GPR83: variants seen among roughly 807,000 people sequenced by gnomAD.
GPR83 encodes G-protein coupled receptor 72.
GPR83 carries 23 observed loss-of-function variants against 28.0 expected under a neutral mutation model. That is an observed-to-expected ratio of 0.82 (90% CI 0.59 to 1.16). The LOEUF is 1.16. GPR83 is among the 50% of genes most tolerant of loss of function. The probability of loss-of-function intolerance (pLI) is 0.00; values close to 1 mark genes in which losing one functional copy is unlikely to be tolerated. For missense variants in GPR83, 610 were observed against 536.6 expected, an observed-to-expected ratio of 1.14 and a Z score of -1.35; for synonymous variants, 234 against 215.4, an observed-to-expected ratio of 1.09 and a Z score of -0.76.
In GPR83 at chr11:94,378,941, A is replaced by G. The variant is rs1454357411; in HGVS notation, c.*1208T>C. The stretch of plus-strand genomic sequence containing the variant: ...GGCCCTTCCCACCACTGTCTACAAT[A>G]GGGGGCAGTTCTGTCTGCGTGGTGA... On this transcript the variant is annotated 3_prime_UTR_variant, in exon 4 of 4. Coordinates refer to ENST00000243673, the MANE Select transcript of GPR83 (RefSeq NM_016540.4). The G allele has an allele frequency of 1.3e-5, 2 of 152,146 alleles. No individual in the cohort carries two copies. The highest frequency in any genetic ancestry group is 2.9e-5 in the Non-Finnish European group (2 of 68,062). 9.4% of individuals were successfully genotyped at this position (152,146 alleles called of 1,614,324 possible).
chr11:94,389,974 G>A (rs1944799517), intron 3 of GPR83, among the ~76,000 whole-genome samples: 1 of 152,162 alleles, frequency 6.6e-6, no homozygotes, highest in South Asian at 2.1e-4. Flanking sequence ...TATACACCAT[G>A]GAATACTATG....
intron 3 of GPR83, among the ~76,000 whole-genome samples, chr11:94,392,295 G>A (rs1474085217): frequency 6.6e-6 from 1 of 151,888 alleles, no homozygotes; most frequent in East Asian, 1.9e-4. Context: ...GACCTAGGGA[G>A]GGAAACATCA....
chr11:94,396,415 G>T lies in GPR83; in HGVS notation c.497C>A (p.Ala166Glu). The T allele has an allele frequency of 6.2e-7, 1 of 1,613,686 alleles. No individual in the cohort carries two copies. The highest frequency in any genetic ancestry group is 8.5e-7 in the Non-Finnish European group (1 of 1,179,714). ...TGCCCTCACCTGGTGGCGATCCACCGCAATGGCTGTCAGTGTCAGTGCTGA... is the reference window on the plus strand; with the variant it reads ...TGCCCTCACCTGGTGGCGATCCACCTCAATGGCTGTCAGTGTCAGTGCTGA... ...HVSALTLTAI[A>E]VDRHQVIMHP... is the part of the protein sequence containing the mutation. Residue 166 changes from alanine to glutamate, a missense_variant, in exon 2 of 4, where the codon GCG becomes GAG. Transcript: ENST00000243673.
At chr11:94,397,891 A>T (rs900614811) in intron 1 of GPR83, among the ~76,000 whole-genome samples, 6 of 152,192 alleles carry the variant, frequency 3.9e-5, no homozygotes, top group African/African-American at 1.2e-4. Flanking sequence ...CCAGATCTTG[A>T]AACTAGGACA....
intron 3 of GPR83, among the ~76,000 whole-genome samples, chr11:94,392,475 T>A (rs941257659): frequency 1.3e-5 from 2 of 151,920 alleles, no homozygotes; most frequent in Non-Finnish European, 2.9e-5. Context: ...ATAAAACAAA[T>A]TTTTTTAAAA....
chr11:94,386,019 C>A (rs1211301875), intron 3 of GPR83, among the ~76,000 whole-genome samples: 3 of 152,152 alleles, frequency 2.0e-5, no homozygotes, highest in Non-Finnish European at 4.4e-5. Flanking sequence ...ACCCTACAAG[C>A]CAGAAGAGAG....
At chr11:94,398,733 T>C (rs1218653922) in intron 1 of GPR83, among the ~76,000 whole-genome samples, 6 of 152,200 alleles carry the variant, frequency 3.9e-5, no homozygotes, top group African/African-American at 1.4e-4. Context: ...AGAAGGATAT[T>C]GTTGCCAATC....
Position 94,400,865 on chromosome 11 carries a change from G to A in GPR83, c.383C>T (p.Thr128Ile), listed in dbSNP as rs1944904345. ...IMITLLNTPF[T>I]LVRFVNSTWI... is the part of the protein sequence containing the mutation. ...GGCAGGCAGCGGGCCCCTTACCAAA[G>A]TGAAGGGGGTGTTGAGCAGCGTGAT... Residue 128 changes from threonine (T) to isoleucine (I), a missense_variant, in exon 1 of 4, where the codon ACT (threonine) becomes ATT (isoleucine). Physicochemically the swap from Thr to Ile is moderately conservative, Grantham distance 89 (BLOSUM62 -1). Transcript: ENST00000243673. 1 of 1,613,650 alleles carries A rather than the reference G, an allele frequency of 6.2e-7. No individual in the cohort carries two copies. Among genetic ancestry groups the A allele is most frequent in the Non-Finnish European group, 8.5e-7 (1 of 1,179,722 alleles).
At chr11:94,384,545 C>A (rs183676265) in intron 3 of GPR83, among the ~76,000 whole-genome samples, 1 of 152,310 alleles carries the variant, frequency 6.6e-6, no homozygotes, top group African/African-American at 2.4e-5. Flanking sequence ...GGCAAGGCAT[C>A]GCCTCACCTG....
At chr11:94,387,187 G>A (rs1944766693) in intron 3 of GPR83, among the ~76,000 whole-genome samples, 1 of 152,172 alleles carries the variant, frequency 6.6e-6, no homozygotes, top group African/African-American at 2.4e-5. Context: ...AGTGTGTAGG[G>A]GGAAATTTAT....
chr11:94,389,505 C>T (rs148619500), intron 3 of GPR83, among the ~76,000 whole-genome samples: 396 of 152,282 alleles, frequency 2.6e-3, no homozygotes, highest in African/African-American at 8.0e-3. Context: ...AACAAGTGGG[C>T]GAAGGATATG....
intron 2 of GPR83, among the ~76,000 whole-genome samples, 178 bp downstream of exon 2, chr11:94,396,221 A>T (rs1424185510): frequency 1.3e-5 from 2 of 151,840 alleles, no homozygotes; most frequent in African/African-American, 2.4e-5. Context: ...ACTCTGTCTC[A>T]AAAAAAAATT....
intron 1 of GPR83, among the ~76,000 whole-genome samples, chr11:94,396,863 C>T (rs550332625): frequency 0.021 from 2,646 of 124,606 alleles, 88 homozygotes; most frequent in African/African-American, 0.072. Flanking sequence ...TCTGTTTCCT[C>T]ATTTGCAAAA....
intron 3 of GPR83, among the ~76,000 whole-genome samples, chr11:94,385,956 G>C (rs569366792): frequency 6.6e-6 from 1 of 152,140 alleles, no homozygotes; most frequent in Admixed American, 6.5e-5. Context: ...GAGAAAGGTC[G>C]GGTTACCCAC....
chr11:94,387,931 T>C (rs1473726252), intron 3 of GPR83, among the ~76,000 whole-genome samples: 3 of 152,112 alleles, frequency 2.0e-5, no homozygotes, highest in Admixed American at 2.0e-4. Flanking sequence ...CTCAATACAA[T>C]ACTGGCAAAC....
At chr11:94,397,690 T>C (rs538129712) in intron 1 of GPR83, among the ~76,000 whole-genome samples, 1 of 152,360 alleles carries the variant, frequency 6.6e-6, no homozygotes, top group Non-Finnish European at 1.5e-5. Context: ...GCCTAGTACA[T>C]AGCAAGTACT....
rs143691035 is a variant in GPR83, at chr11:94,401,043, T to A, written c.205A>T (p.Thr69Ser). The A allele has an allele frequency of 3.2e-5, 51 of 1,614,002 alleles. No homozygotes were observed. Among genetic ancestry groups the A allele is most frequent in the Admixed American group, 2.7e-4 (16 of 60,012 alleles). ...RRYGAESQNP[T>S]VKALLIVAYS... Reference sequence around the variant, plus strand: ...GCCACAATGAGCAGGGCTTTCACCGTGGGGTTCTGGGACTCAGCGCCGTAG... The same window carrying A: ...GCCACAATGAGCAGGGCTTTCACCGAGGGGTTCTGGGACTCAGCGCCGTAG... The change falls in exon 1 of 4, where the codon ACG becomes TCG. Residue 69 changes from threonine (T) to serine (S), a missense_variant. Coordinates refer to ENST00000243673, the MANE Select transcript of GPR83 (RefSeq NM_016540.4).
chr11:94,377,525 G>A lies in GPR83; in HGVS notation c.*2624C>T, dbSNP rs1565181801. 6.6e-6 allele frequency: 1 copy of A among 152,056 alleles called. No homozygotes were observed. Among genetic ancestry groups the A allele is most frequent in the Admixed American group, 6.5e-5 (1 of 15,286 alleles). The allele number at this position is 152,056 out of a possible 1,614,324, so 9.4% of individuals were successfully genotyped here. On this transcript the variant is annotated 3_prime_UTR_variant, in exon 4 of 4. Coordinates refer to ENST00000243673, the MANE Select transcript of GPR83 (RefSeq NM_016540.4). Reference sequence around the variant, plus strand: ...AGTAAAAGGGTTTTCTCTGGGACTTGGCAGTACTGAAGGTCCCGGACTAAC... The same window carrying A: ...AGTAAAAGGGTTTTCTCTGGGACTTAGCAGTACTGAAGGTCCCGGACTAAC...
rs991847732 is a variant in GPR83, at chr11:94,378,410, G to A, written c.*1739C>T. 1.3e-5 allele frequency: 2 copies of A among 152,176 alleles called. No homozygotes were observed. Among genetic ancestry groups the A allele is most frequent in the African/African-American group, 4.8e-5 (2 of 41,420 alleles). 9.4% of individuals were successfully genotyped at this position (152,176 alleles called of 1,614,324 possible). A position where few individuals can be genotyped will look rare whatever the true frequency, so the allele number is the denominator to read the frequency against. ...CTAGAAGAAAACCTAAAAGCAGTGT[G>A]TCAGTAACAATTGTTTAGAGCAGGT... On this transcript the variant is annotated 3_prime_UTR_variant, in exon 4 of 4. Coordinates refer to ENST00000243673, the MANE Select transcript of GPR83 (RefSeq NM_016540.4).
Sources: allele counts gnomAD v4.1 joint callset (sites outside exome capture counted in the v4.1 genomes callset), GRCh38; gene constraint gnomAD v4.1.1; transcripts MANE v1.5; gene names NCBI Gene and HGNC (gene_info 2026-07-23, HGNC 2026-07-21).